Variants in AGBL4 observed in about 807,000 individuals in gnomAD.
AGBL4 encodes cytosolic carboxypeptidase 6.
In AGBL4, 58 loss-of-function variants were observed where a neutral mutation model predicts 66.4. That is an observed-to-expected ratio of 0.87 (90% confidence interval 0.71 to 1.09). The LOEUF is 1.09. Ranked by LOEUF, AGBL4 falls within the 50% of genes least tolerant of loss-of-function variation. The probability of loss-of-function intolerance (pLI) is 0.00; values close to 1 mark genes in which losing one functional copy is unlikely to be tolerated. For synonymous variants in AGBL4, 234 were observed against 222.9 expected (o/e 1.05, Z -0.44); for missense variants, 579 against 631.0 (o/e 0.92, Z 0.88).
chr1:48,782,271 T>G (rs1000356353), intron 6 of AGBL4, among the ~76,000 whole-genome samples: 2 of 152,216 alleles, frequency 1.3e-5, no homozygotes, highest in South Asian at 4.1e-4. Flanking sequence ...GCAGAAAATG[T>G]ACACATCTGG....
At chr1:49,557,887 G>A (rs1158078973) in intron 3 of AGBL4, among the ~76,000 whole-genome samples, 8 of 151,598 alleles carry the variant, frequency 5.3e-5, no homozygotes, top group Non-Finnish European at 1.2e-4. Context: ...CCTTCTGCTT[G>A]AGAAGAAAAC....
At chr1:48,627,551 C>A (rs551942314) in intron 9 of AGBL4, among the ~76,000 whole-genome samples, 11 of 149,336 alleles carry the variant, frequency 7.4e-5, no homozygotes, top group Admixed American at 6.7e-4. Flanking sequence ...AGAAAGAGAG[C>A]AGCTTATCTT....
At chr1:49,196,248 T>A (rs1647250065) in intron 4 of AGBL4, among the ~76,000 whole-genome samples, 1 of 152,230 alleles carries the variant, frequency 6.6e-6, no homozygotes, top group African/African-American at 2.4e-5. Flanking sequence ...AAATTTTGTA[T>A]GACTGGATTA....
chr1:49,726,231 G>A (rs886202025), intron 2 of AGBL4, among the ~76,000 whole-genome samples: 1 of 152,128 alleles, frequency 6.6e-6, no homozygotes, highest in Non-Finnish European at 1.5e-5. Flanking sequence ...CAAAATCACA[G>A]ATATGTTAAC....
At chr1:48,979,536 A>G (rs757905278) in intron 5 of AGBL4, among the ~76,000 whole-genome samples, 2 of 152,166 alleles carry the variant, frequency 1.3e-5, no homozygotes, top group Non-Finnish European at 2.9e-5. Context: ...AATATATGAT[A>G]ACCTATAATA....
At chr1:48,889,775 A>T (rs148435270) in intron 5 of AGBL4, among the ~76,000 whole-genome samples, 100 of 152,324 alleles carry the variant, frequency 6.6e-4, no homozygotes, top group African/African-American at 2.3e-3. Flanking sequence ...AGGCTTCCAG[A>T]TTCAGAGCAC....
intron 6 of AGBL4, chr1:48,776,533 C>T (rs1328203657): frequency 4.4e-5 from 51 of 1,157,136 alleles, no homozygotes; most frequent in Non-Finnish European, 5.8e-5. Context: ...TCCCCTCCGC[C>T]CGGGCCCCCG....
chr1:49,978,820 T>C (rs1347400097), intron 1 of AGBL4, among the ~76,000 whole-genome samples: 1 of 152,222 alleles, frequency 6.6e-6, no homozygotes, highest in Non-Finnish European at 1.5e-5. Context: ...TTTTGGGTGA[T>C]TTTATTTTAT....
chr1:49,216,874 G>T (rs900057159), intron 4 of AGBL4, among the ~76,000 whole-genome samples: 1 of 152,118 alleles, frequency 6.6e-6, no homozygotes, highest in African/African-American at 2.4e-5. Context: ...TGAGTGCCCA[G>T]CCATGTATGA....
At chr1:49,740,119 G>C (rs570787078) in intron 2 of AGBL4, among the ~76,000 whole-genome samples, 246 of 152,220 alleles carry the variant, frequency 1.6e-3, no homozygotes, top group African/African-American at 5.7e-3. Context: ...TGGATAAAGA[G>C]GCAAGATCCA....
intron 4 of AGBL4, among the ~76,000 whole-genome samples, chr1:49,142,345 A>T (rs1190468855): frequency 6.6e-6 from 1 of 152,180 alleles, no homozygotes; most frequent in Non-Finnish European, 1.5e-5. Flanking sequence ...TTCTCAAAAA[A>T]AAACTCAACA....
At chr1:49,668,745 C>T (rs1176984845) in intron 3 of AGBL4, among the ~76,000 whole-genome samples, 1 of 152,158 alleles carries the variant, frequency 6.6e-6, no homozygotes, top group African/African-American at 2.4e-5. Context: ...AGTTATCAGT[C>T]CCTGTTTTAA....
intron 3 of AGBL4, among the ~76,000 whole-genome samples, chr1:49,335,653 C>T (rs978896510): frequency 1.3e-5 from 2 of 151,928 alleles, no homozygotes; most frequent in Non-Finnish European, 2.9e-5. Flanking sequence ...GTAGCTGGGA[C>T]TACAGGCACC....
rs570035326 is a variant in AGBL4, at chr1:49,368,599, C to A, written c.283-122735G>T. Among the ~76,000 whole-genome samples the A allele has an allele frequency of 1.2e-4, 18 of 152,194 alleles. No individual in the cohort carries two copies. In the East Asian group the frequency reaches 3.5e-3, roughly 29 times the overall value. On this transcript the variant is annotated intron_variant, in intron 3 of 13. Transcript: ENST00000371839. Reference sequence around the variant, plus strand: ...CCACAAACCTAAGCCTCCTTTCAAGCCCAGGCACTGTGGCTTCTCTGACAG... The same window carrying A: ...CCACAAACCTAAGCCTCCTTTCAAGACCAGGCACTGTGGCTTCTCTGACAG...
At chr1:48,670,935 A>G (rs576220362) in intron 6 of AGBL4, among the ~76,000 whole-genome samples, 25 of 152,318 alleles carry the variant, frequency 1.6e-4, no homozygotes, top group Admixed American at 3.9e-4. Context: ...GTGGGGACAG[A>G]CTCAACAGGG....
intron 4 of AGBL4, among the ~76,000 whole-genome samples, chr1:49,182,481 A>G (rs939759875): frequency 5.3e-5 from 8 of 152,182 alleles, no homozygotes; most frequent in Admixed American, 3.3e-4. Context: ...TTAGCCACTT[A>G]ATCTCCCTGA....
rs201263769 is a variant in AGBL4, at chr1:49,713,115, T to C, written c.158-15678A>G. 2.0e-5 allele frequency among the ~76,000 whole-genome samples: 3 copies of C among 152,072 alleles called. No homozygotes were observed. In the East Asian group the frequency reaches 5.8e-4, roughly 29 times the overall value. ...AGGCTCATAGGAGAAACATTTTTTA[T>C]CTTTGCAAAAAGATATTGTAAATTC... On this transcript the variant is annotated intron_variant, in intron 2 of 13. Coordinates refer to ENST00000371839, the MANE Select transcript of AGBL4 (RefSeq NM_032785.4).
intron 6 of AGBL4, among the ~76,000 whole-genome samples, chr1:48,751,267 T>G (rs1235197823): frequency 2.6e-5 from 4 of 152,176 alleles, no homozygotes; most frequent in Middle Eastern, 3.2e-3. Flanking sequence ...GCAGGAAATA[T>G]TCATCTAAAA....
At chr1:49,655,954 C>G (rs1012588792) in intron 3 of AGBL4, among the ~76,000 whole-genome samples, 1 of 152,116 alleles carries the variant, frequency 6.6e-6, no homozygotes, top group Non-Finnish European at 1.5e-5. Flanking sequence ...CAAGACCAGC[C>G]TGACCAACCT....
Sources: gnomAD v4.1 joint callset for allele counts (sites outside exome capture counted in the v4.1 genomes callset) on GRCh38, gnomAD v4.1.1 for gene constraint, MANE v1.5 for transcripts, NCBI Gene and HGNC (gene_info 2026-07-23, HGNC 2026-07-21) for gene names.